The following CPSF3 variants were observed in gnomAD, a reference collection of about 807,000 sequenced individuals.
CPSF3 encodes cleavage and polyadenylation specific factor 3, also known as cleavage and polyadenylation specificity factor subunit 3.
Under a neutral mutation model 84.1 loss-of-function variants are expected in CPSF3, and 57 were observed. That is an observed-to-expected ratio of 0.68 (90% CI 0.55 to 0.85). CPSF3 has a LOEUF of 0.85. Ranked by LOEUF, CPSF3 falls within the 40% of genes least tolerant of loss-of-function variation. The pLI is 0.00. For synonymous variants in CPSF3, 275 were observed against 278.1 expected (o/e 0.99, Z 0.11); for missense variants, 522 against 838.8 (o/e 0.62, Z 4.66).
intron 14 of CPSF3, among the ~76,000 whole-genome samples, chr2:9,458,668 AATTCATTC>A (rs1005576662): frequency 3.9e-5 from 6 of 151,974 alleles, no homozygotes; most frequent in Non-Finnish European, 7.4e-5. Context: ...CTGCCTCTAT[AATTCATTC>A]ATTCATTCAT....
chr2:9,448,461 T>C, intron 11 of CPSF3, 111 bp downstream of exon 11: 1 of 887,298 alleles, frequency 1.1e-6, no homozygotes, highest in Non-Finnish European at 1.7e-6. Context: ...TTCTGTCTAC[T>C]TGTTACACTA....
At chr2:9,458,454 A>T (rs1252558132) in intron 14 of CPSF3, among the ~76,000 whole-genome samples, 1 of 152,228 alleles carries the variant, frequency 6.6e-6, no homozygotes, top group Non-Finnish European at 1.5e-5. Flanking sequence ...TATAAACATG[A>T]AGTTACATAG....
chr2:9,472,428 T>G (rs1157911202), intron 17 of CPSF3, among the ~76,000 whole-genome samples: 1 of 152,176 alleles, frequency 6.6e-6, no homozygotes, highest in African/African-American at 2.4e-5. Context: ...AAGTAATTTG[T>G]GTGGCATAGA....
At chr2:9,430,686 A>G (rs1680555347) in intron 3 of CPSF3, 66 bp from the exon 4 acceptor site, 23 of 1,466,596 alleles carry the variant, frequency 1.6e-5, no homozygotes, top group Non-Finnish European at 2.1e-5. Flanking sequence ...AGTAAGCAAC[A>G]GTTTCATTAC....
chr2:9,451,056 TG>T (rs1681313015), intron 11 of CPSF3, among the ~76,000 whole-genome samples: 1 of 152,070 alleles, frequency 6.6e-6, no homozygotes. Flanking sequence ...ACTCTGCTGG[TG>T]GTGGATATGT....
intron 11 of CPSF3, among the ~76,000 whole-genome samples, chr2:9,449,073 AC>A (rs1324118760): frequency 1.3e-5 from 2 of 151,796 alleles, no homozygotes; most frequent in Non-Finnish European, 2.9e-5. Flanking sequence ...AATATATGAA[AC>A]ATTTTCTCTT....
chr2:9,471,575 C>A, intron 17 of CPSF3, 136 bp downstream of exon 17: 1 of 629,974 alleles, frequency 1.6e-6, no homozygotes, highest in Non-Finnish European at 2.9e-6. Context: ...ATTTTTTTCA[C>A]ATTGTTCTTT....
At chr2:9,448,408 ACTT>A (rs35517487) in intron 11 of CPSF3, 58 bp downstream of exon 11, 65,935 of 1,335,584 alleles carry the variant, frequency 0.049, 1,936 homozygotes, top group South Asian at 0.083. Flanking sequence ...GAAAGACTGT[ACTT>A]CTTAAGAAAA....
chr2:9,456,184 G>A (rs1681521067), intron 13 of CPSF3, among the ~76,000 whole-genome samples: 1 of 150,938 alleles, frequency 6.6e-6, no homozygotes, highest in Non-Finnish European at 1.5e-5. Context: ...TTTTATAAGA[G>A]TTCATGACCA....
chr2:9,423,875 G>A (rs1305574479), intron 1 of CPSF3, 52 bp downstream of exon 1: 5 of 1,602,242 alleles, frequency 3.1e-6, no homozygotes, highest in Non-Finnish European at 4.3e-6. Flanking sequence ...AGGGGCGCGA[G>A]GGGTAACCGG....
At position 9,471,384 on chromosome 2, in the gene CPSF3, C is replaced by G; in HGVS notation, c.1898C>G (p.Ser633Cys). The change falls in exon 17 of 18, where the codon TCT becomes TGT. Residue 633 changes from serine to cysteine, a missense_variant. Physicochemically the swap from Ser to Cys is moderately radical, Grantham distance 112. Coordinates refer to ENST00000238112, the MANE Select transcript of CPSF3 (RefSeq NM_016207.4). ...GEDCVSVKDDSILSVTVDGKT... is the reference protein window; with the variant it reads ...GEDCVSVKDDCILSVTVDGKT... ...GACTGTGTAAGTGTAAAGGATGACTCTATTCTTAGCGTCACAGTGGACGGG... is the reference window on the plus strand; with the variant it reads ...GACTGTGTAAGTGTAAAGGATGACTGTATTCTTAGCGTCACAGTGGACGGG... The G allele has an allele frequency of 6.2e-7, 1 of 1,612,956 alleles. No individual in the cohort carries two copies. The highest frequency in any genetic ancestry group is 8.5e-7 in the Non-Finnish European group (1 of 1,179,012).
chr2:9,463,022 C>T (rs1681782310), intron 15 of CPSF3, among the ~76,000 whole-genome samples: 1 of 152,192 alleles, frequency 6.6e-6, no homozygotes, highest in South Asian at 2.1e-4. Context: ...GTTTACTGAG[C>T]ACCTGCTCCC....
Position 9,440,531 on chromosome 2 carries a change from A to C in CPSF3, c.801A>C (p.Pro267=). The C allele has an allele frequency of 6.2e-7, 1 of 1,614,206 alleles. No individual in the cohort carries two copies. Among genetic ancestry groups the C allele is most frequent in the Non-Finnish European group, 8.5e-7 (1 of 1,180,030 alleles). The part of the protein sequence containing the change: ...WQNHPELHDI[P]IYYASSLAKK... Reference sequence around the variant, plus strand: ...ATCACCCAGAACTACATGACATTCCAATATACTATGCATCATCTTTGGCCA... The same window carrying C: ...ATCACCCAGAACTACATGACATTCCCATATACTATGCATCATCTTTGGCCA... The change falls in exon 8 of 18, where the codon CCA becomes CCC. Residue 267 remains proline (P), a synonymous_variant. Coordinates refer to ENST00000238112, the MANE Select transcript of CPSF3 (RefSeq NM_016207.4).
intron 10 of CPSF3, among the ~76,000 whole-genome samples, chr2:9,446,604 T>C (rs1351982956): frequency 7.9e-6 from 1 of 126,140 alleles, no homozygotes; most frequent in Non-Finnish European, 1.7e-5. Flanking sequence ...AAAAAAAGTA[T>C]AAAAATTAGG....
rs79087102 is a variant in CPSF3, at chr2:9,459,223, A to T, written c.1699-308A>T. Among the ~76,000 whole-genome samples, 447 of 152,308 alleles carry T rather than the reference A, an allele frequency of 2.9e-3. 2 individuals carry two copies. The highest frequency in any genetic ancestry group is 0.011 in the African/African-American group (437 of 41,556). On this transcript the variant is annotated intron_variant, in intron 14 of 17. Transcript: ENST00000238112. The stretch of plus-strand genomic sequence containing the variant: ...CCAGCACCAGTAATTATCCTGTGCA[A>T]GTTACTTTTAAGTCAGTTTTCTCTT...
rs549075902 is a variant in CPSF3, at chr2:9,433,912, C to T, written c.561C>T (p.His187=). The change falls in exon 6 of 18, where the codon CAC becomes CAT. Residue 187 remains histidine (H), a synonymous_variant. Transcript: ENST00000238112. The stretch of plus-strand genomic sequence containing the variant: ...ATTTCTCAAGACAAGAAGATAGGCA[C>T]TTAATGGCAGCTGAAATTCCTAATA... ...TGDFSRQEDR[H]LMAAEIPNIK... The T allele has an allele frequency of 2.1e-4, 338 of 1,610,748 alleles. 3 individuals are homozygous for T. The South Asian group carries it at 3.5e-3, about 17-fold the overall frequency.
chr2:9,459,742 C>A, intron 15 of CPSF3, 124 bp downstream of exon 15: 1 of 535,638 alleles, frequency 1.9e-6, no homozygotes, highest in Non-Finnish European at 3.2e-6. Context: ...CTCCACTTCC[C>A]AGGTTCAAGC....
rs546529219 is a variant in CPSF3, at chr2:9,467,504, A to G, written c.1787-203A>G. 6.3e-4 allele frequency among the ~76,000 whole-genome samples: 96 copies of G among 152,296 alleles called. 1 individual carries two copies. The highest frequency in any genetic ancestry group is 2.3e-3 in the African/African-American group (94 of 41,570). On this transcript the variant is annotated intron_variant, in intron 15 of 17. Transcript: ENST00000238112. Reference sequence around the variant, plus strand: ...ATGTAATAGAAAATTTTTTTTAAATACACATAAAAAGAACATGAAATTAAA... The same window carrying G: ...ATGTAATAGAAAATTTTTTTTAAATGCACATAAAAAGAACATGAAATTAAA...
At chr2:9,466,340 ACGCGCG>A (rs55864348) in intron 15 of CPSF3, among the ~76,000 whole-genome samples, 7 of 56,718 alleles carry the variant, frequency 1.2e-4, no homozygotes, top group South Asian at 5.7e-4. Flanking sequence ...GCACGCACAC[ACGCGCG>A]CGCGCGCACA....
Sources: allele counts gnomAD v4.1 joint callset (sites outside exome capture counted in the v4.1 genomes callset), GRCh38; gene constraint gnomAD v4.1.1; transcripts MANE v1.5; gene names NCBI Gene and HGNC (gene_info 2026-07-23, HGNC 2026-07-21).